Variants in ENTREP2 observed in about 807,000 individuals in gnomAD.
ENTREP2 encodes the protein protein ENTREP2.
the ENTREP2 span, among the ~76,000 whole-genome samples, chr15:29,532,927 C>T: frequency 9.8e-5 from 15 of 152,324 alleles, no homozygotes; most frequent in Non-Finnish European, 1.9e-4. Context: ...AGACTCTCAA[C>T]TATCCAACTG....
the ENTREP2 span, among the ~76,000 whole-genome samples, chr15:29,431,419 G>A: frequency 6.6e-6 from 1 of 152,062 alleles, no homozygotes; most frequent in Non-Finnish European, 1.5e-5. Flanking sequence ...ACTGCTTTGA[G>A]TCATTCTCCT....
chr15:29,254,594 C>A, the ENTREP2 span, among the ~76,000 whole-genome samples: 17 of 141,398 alleles, frequency 1.2e-4, no homozygotes, highest in East Asian at 2.7e-3. Flanking sequence ...CGCAGTGGCT[C>A]ATGCCTGTAA....
chr15:29,238,476 A>G, the ENTREP2 span, among the ~76,000 whole-genome samples: 1 of 151,770 alleles, frequency 6.6e-6, no homozygotes, highest in African/African-American at 2.4e-5. Context: ...ACTAAAAAAA[A>G]ATACAAAAAA....
the ENTREP2 span, among the ~76,000 whole-genome samples, chr15:29,259,568 T>G: frequency 2.0e-5 from 3 of 152,134 alleles, no homozygotes; most frequent in Non-Finnish European, 4.4e-5. Context: ...CCAGATGGGT[T>G]TCACACAGGC....
chr15:29,266,142 G>C, the ENTREP2 span: 8 of 152,294 alleles, frequency 5.3e-5, no homozygotes, highest in African/African-American at 1.9e-4. Flanking sequence ...ATAGGTCTAA[G>C]ACATGAAATC....
the ENTREP2 span, among the ~76,000 whole-genome samples, chr15:29,227,976 C>T: frequency 0.037 from 5,059 of 135,052 alleles, 305 homozygotes; most frequent in African/African-American, 0.12. Context: ...CAAAACTTGC[C>T]GATGAGAAAA....
the ENTREP2 span, among the ~76,000 whole-genome samples, chr15:29,314,199 G>A: frequency 2.0e-5 from 3 of 152,224 alleles, no homozygotes; most frequent in Non-Finnish European, 4.4e-5. Flanking sequence ...AAAGGGTTTA[G>A]AATATGATAT....
the ENTREP2 span, among the ~76,000 whole-genome samples, chr15:29,194,705 A>T: frequency 6.6e-6 from 1 of 152,178 alleles, no homozygotes; most frequent in Non-Finnish European, 1.5e-5. Flanking sequence ...CTGAGACTGC[A>T]TTCTTAGAGA....
At chr15:29,558,537 C>G in the ENTREP2 span, among the ~76,000 whole-genome samples, 12 of 151,102 alleles carry the variant, frequency 7.9e-5, no homozygotes, top group African/African-American at 2.4e-4. Flanking sequence ...CCCTCAAACC[C>G]TTCACCCAGG....
the ENTREP2 span, among the ~76,000 whole-genome samples, chr15:29,525,978 A>C: frequency 1.3e-5 from 2 of 152,232 alleles, no homozygotes; most frequent in African/African-American, 4.8e-5. Flanking sequence ...CAAAAAGCAC[A>C]AGTTTAACTG....
At chr15:29,417,352 G>A in the ENTREP2 span, among the ~76,000 whole-genome samples, 1 of 152,152 alleles carries the variant, frequency 6.6e-6, no homozygotes, top group East Asian at 1.9e-4. Context: ...GTAGGGACAT[G>A]GATGAAGCTG....
the ENTREP2 span, chr15:29,137,070 G>C: frequency 1.4e-6 from 2 of 1,457,704 alleles, no homozygotes; most frequent in Non-Finnish European, 1.8e-6. Flanking sequence ...GGTGTACTCT[G>C]GGGGGTAATA....
the ENTREP2 span, among the ~76,000 whole-genome samples, chr15:29,578,679 T>C: frequency 6.6e-6 from 1 of 152,214 alleles, no homozygotes; most frequent in Non-Finnish European, 1.5e-5. Context: ...ATGCTGGCCT[T>C]ATTCCGTTAG....
the ENTREP2 span, among the ~76,000 whole-genome samples, chr15:29,544,824 T>C: frequency 1.3e-5 from 2 of 152,154 alleles, no homozygotes; most frequent in African/African-American, 2.4e-5. Context: ...AAAAGAAATA[T>C]GCTATCTGCC....
chr15:29,123,453 A>G, the ENTREP2 span: 1 of 1,551,658 alleles, frequency 6.4e-7, no homozygotes, highest in Non-Finnish European at 8.7e-7. Flanking sequence ...TGGGGAGGGC[A>G]CAGTGTGAGT....
At chr15:29,668,916 G>C in the ENTREP2 span, among the ~76,000 whole-genome samples, 6 of 152,340 alleles carry the variant, frequency 3.9e-5, no homozygotes, top group Admixed American at 6.5e-5. Context: ...AGGCCCAGCA[G>C]ACTTTACCGC....
the ENTREP2 span, among the ~76,000 whole-genome samples, chr15:29,424,407 T>C: frequency 0.12 from 17,514 of 152,100 alleles, 1,162 homozygotes; most frequent in East Asian, 0.31. Flanking sequence ...TTTTATAGAG[T>C]GCCGATTGGT....
At chr15:29,543,721 G>A in the ENTREP2 span, among the ~76,000 whole-genome samples, 1 of 151,774 alleles carries the variant, frequency 6.6e-6, no homozygotes, top group African/African-American at 2.4e-5. Flanking sequence ...AGAGGTTGCA[G>A]TGAGCCAAGA....
the ENTREP2 span, among the ~76,000 whole-genome samples, chr15:29,356,071 A>G: frequency 1 from 151,739 of 151,820 alleles, 75,829 homozygotes; most frequent in Middle Eastern, 1. Context: ...TCACCCAGGG[A>G]CTTACATTTG....
Sources: gnomAD v4.1 joint callset for allele counts (sites outside exome capture counted in the v4.1 genomes callset) on GRCh38, gnomAD v4.1.1 for gene constraint, MANE v1.5 for transcripts, NCBI Gene and HGNC (gene_info 2026-07-23, HGNC 2026-07-21) for gene names.